The following NEDD4L variants were observed in gnomAD, a reference collection of about 807,000 sequenced individuals.
The protein encoded by NEDD4L is NEDD4 like E3 ubiquitin protein ligase.
In NEDD4L, 54 loss-of-function variants were observed where a neutral mutation model predicts 148.9. That is an observed-to-expected ratio of 0.36 (90% CI 0.29 to 0.45). The LOEUF (loss-of-function observed/expected upper bound fraction) is 0.45. Among genes scored for constraint, NEDD4L ranks in the 20% least tolerant of loss-of-function variants. The probability of loss-of-function intolerance (pLI) is 1.00; values close to 1 mark genes in which losing one functional copy is unlikely to be tolerated. For missense variants in NEDD4L, 856 were observed against 1,233.8 expected, an observed-to-expected ratio of 0.69 and a Z score of 4.59; for synonymous variants, 433 against 440.7, an observed-to-expected ratio of 0.98 and a Z score of 0.22.
At chr18:58,103,660 G>T (rs1458279237) in intron 1 of NEDD4L, among the ~76,000 whole-genome samples, 1 of 152,152 alleles carries the variant, frequency 6.6e-6, no homozygotes, top group Non-Finnish European at 1.5e-5. Flanking sequence ...ACCAAAAATC[G>T]AGAGGGAATT....
At chr18:58,362,756 T>C (rs1054970674) in intron 19 of NEDD4L, among the ~76,000 whole-genome samples, 1 of 152,222 alleles carries the variant, frequency 6.6e-6, no homozygotes, top group African/African-American at 2.4e-5. Context: ...TGGACGAGAA[T>C]GAACACCAGA....
chr18:58,351,823 G>A (rs1303457453), intron 18 of NEDD4L, among the ~76,000 whole-genome samples: 1 of 152,136 alleles, frequency 6.6e-6, no homozygotes, highest in Non-Finnish European at 1.5e-5. Context: ...CTTTCATTTG[G>A]TTCATGAACA....
intron 1 of NEDD4L, among the ~76,000 whole-genome samples, chr18:58,105,958 T>G (rs1003649157): frequency 6.6e-6 from 1 of 152,220 alleles, no homozygotes; most frequent in Non-Finnish European, 1.5e-5. Flanking sequence ...CCAGAAATTG[T>G]TATGAAAAAA....
chr18:58,230,929 C>T (rs905865345), intron 2 of NEDD4L, among the ~76,000 whole-genome samples: 25 of 151,982 alleles, frequency 1.6e-4, no homozygotes, highest in Non-Finnish European at 2.6e-4. Context: ...CCGGTTTAGG[C>T]GAATTAAGAT....
chr18:58,245,452 T>TACGTAGCGGATGAGA lies in NEDD4L; in HGVS notation c.150_164dup (p.Val51_Asn55dup), dbSNP rs1338342625. On this transcript the variant is annotated inframe_insertion, in exon 3 of 31. Coordinates refer to ENST00000400345, the MANE Select transcript of NEDD4L (RefSeq NM_001144967.3). ...TGATCCGTATGTGAAACTTTCATTGTACGTAGCGGATGAGAATAGAGAACT... is the reference window on the plus strand; with the variant it reads ...TGATCCGTATGTGAAACTTTCATTGTACGTAGCGGATGAGAACGTAGCGGATGAGAATAGAGAACT... 3 of 1,575,576 alleles carry TACGTAGCGGATGAGA rather than the reference T, an allele frequency of 1.9e-6. No homozygotes were observed. Among genetic ancestry groups the TACGTAGCGGATGAGA allele is most frequent in the Non-Finnish European group, 2.6e-6 (3 of 1,152,510 alleles).
intron 1 of NEDD4L, among the ~76,000 whole-genome samples, chr18:58,161,435 C>CT (rs55873387): frequency 0.04 from 5,658 of 140,238 alleles, 228 homozygotes; most frequent in African/African-American, 0.1. Flanking sequence ...TTTTCTTTTT[C>CT]TTTTTTTTTT....
chr18:58,120,808 C>T (rs1260827461), intron 1 of NEDD4L, among the ~76,000 whole-genome samples: 1 of 152,120 alleles, frequency 6.6e-6, no homozygotes, highest in Non-Finnish European at 1.5e-5. Context: ...CCCTTTCTAC[C>T]TTCAAATTCA....
intron 1 of NEDD4L, among the ~76,000 whole-genome samples, chr18:58,136,237 A>T (rs1337131744): frequency 2.0e-5 from 3 of 152,162 alleles, no homozygotes; most frequent in Non-Finnish European, 4.4e-5. Context: ...ATCAGGGAAG[A>T]TTGTTCACCC....
chr18:58,121,314 A>G (rs950371540), intron 1 of NEDD4L, among the ~76,000 whole-genome samples: 2 of 152,202 alleles, frequency 1.3e-5, no homozygotes, highest in Non-Finnish European at 2.9e-5. Context: ...TTCCTCAGGA[A>G]CTACCTACAG....
intron 1 of NEDD4L, among the ~76,000 whole-genome samples, chr18:58,124,568 T>G (rs1239027728): frequency 6.6e-6 from 1 of 151,932 alleles, no homozygotes; most frequent in Non-Finnish European, 1.5e-5. Flanking sequence ...GTGCTCCATC[T>G]TTAGAGAGTC....
intron 25 of NEDD4L, among the ~76,000 whole-genome samples, chr18:58,384,397 T>C (rs1042353570): frequency 1.7e-4 from 26 of 152,322 alleles, no homozygotes; most frequent in African/African-American, 6.0e-4. Flanking sequence ...GCCACATTAA[T>C]TGGCACTCTC....
intron 3 of NEDD4L, 133 bp from the exon 4 acceptor site, chr18:58,248,766 A>G (rs1031737723): frequency 5.2e-6 from 3 of 581,026 alleles, no homozygotes; most frequent in Non-Finnish European, 9.3e-6. Context: ...GCTAGTCTCA[A>G]ATAATCGACT....
intron 2 of NEDD4L, among the ~76,000 whole-genome samples, chr18:58,179,228 A>G (rs2038537396): frequency 6.6e-6 from 1 of 152,228 alleles, no homozygotes; most frequent in Admixed American, 6.5e-5. Flanking sequence ...TATGTAGTCA[A>G]GCCATCATGT....
intron 2 of NEDD4L, among the ~76,000 whole-genome samples, chr18:58,238,823 G>A (rs561408440): frequency 2.8e-4 from 42 of 152,210 alleles, no homozygotes; most frequent in African/African-American, 9.6e-4. Flanking sequence ...CAGTAGTAGA[G>A]TATTAAATGT....
intron 2 of NEDD4L, chr18:58,195,294 C>G (rs564673354): frequency 1.7e-6 from 1 of 574,018 alleles, no homozygotes; most frequent in African/African-American, 2.0e-5. Flanking sequence ...GTTGCAAGGG[C>G]AGCATTGTGG....
intron 5 of NEDD4L, among the ~76,000 whole-genome samples, chr18:58,311,534 C>T (rs1004968133): frequency 2.0e-5 from 3 of 152,166 alleles, no homozygotes; most frequent in Non-Finnish European, 4.4e-5. Flanking sequence ...TTCTTCTGCA[C>T]AGTCAGGTGC....
chr18:58,290,452 G>A (rs1188575826), intron 5 of NEDD4L, among the ~76,000 whole-genome samples: 1 of 79,240 alleles, frequency 1.3e-5, no homozygotes, highest in Non-Finnish European at 2.5e-5. Flanking sequence ...CAAATGTGAA[G>A]CAGTTACCAG....
chr18:58,180,374 C>A lies in NEDD4L; in HGVS notation c.122+14513C>A, dbSNP rs34407841. On this transcript the variant is annotated intron_variant, in intron 2 of 30. Transcript: ENST00000400345. ...TGCAGGTCTCTGTGGTGGCACTTAG[C>A]ACATGGCGCTAAGATTCTCCCTGAT... 5.5e-3 allele frequency among the ~76,000 whole-genome samples: 842 copies of A among 151,964 alleles called. 8 individuals are homozygous for A. The highest frequency in any genetic ancestry group is 0.021 in the Middle Eastern group (6 of 292).
chr18:58,058,423 A>G (rs1432733580), intron 1 of NEDD4L, among the ~76,000 whole-genome samples: 1 of 152,200 alleles, frequency 6.6e-6, no homozygotes, highest in Non-Finnish European at 1.5e-5. Flanking sequence ...CTAGCCATGG[A>G]ACTCTTTCAT....
Sources: gnomAD v4.1 joint callset for allele counts (sites outside exome capture counted in the v4.1 genomes callset) on GRCh38, gnomAD v4.1.1 for gene constraint, MANE v1.5 for transcripts, NCBI Gene and HGNC (gene_info 2026-07-23, HGNC 2026-07-21) for gene names.